The following AGMO variants were observed in gnomAD, a reference collection of about 807,000 sequenced individuals.
The protein encoded by AGMO is glyceryl-ether monooxygenase.
In AGMO, 75 loss-of-function variants were observed where a neutral mutation model predicts 60.2. The ratio of observed to expected loss-of-function variants is 1.25; its 90% CI spans 1.03 to 1.51. The LOEUF is 1.51. Ranked by LOEUF, AGMO falls within the 40% of genes most tolerant of loss-of-function variation. AGMO has a pLI of 0.00. For synonymous variants in AGMO, 261 were observed against 177.1 expected, an observed-to-expected ratio of 1.47 and a Z score of -3.76; for missense variants, 763 against 525.5, an observed-to-expected ratio of 1.45 and a Z score of -4.42.
chr7:15,221,109 T>C (rs2128496897), intron 12 of AGMO, among the ~76,000 whole-genome samples: 1 of 152,290 alleles, frequency 6.6e-6, no homozygotes, highest in Admixed American at 6.5e-5. Flanking sequence ...CTGTTGTTGT[T>C]TTCTCAATCA....
intron 10 of AGMO, among the ~76,000 whole-genome samples, chr7:15,377,364 T>G (rs1053072978): frequency 6.6e-6 from 1 of 151,846 alleles, no homozygotes; most frequent in African/African-American, 2.4e-5. Context: ...CGTCAATATA[T>G]CTACATGAGT....
At chr7:15,260,082 C>G in intron 12 of AGMO, among the ~76,000 whole-genome samples, 1 of 151,216 alleles carries the variant, frequency 6.6e-6, no homozygotes, top group African/African-American at 2.4e-5. Flanking sequence ...TAATACCTCA[C>G]ATCTGAATAT....
At chr7:15,522,608 T>C (rs941154326) in intron 3 of AGMO, among the ~76,000 whole-genome samples, 7 of 152,122 alleles carry the variant, frequency 4.6e-5, no homozygotes, top group Non-Finnish European at 1.0e-4. Context: ...AGATTCCCCA[T>C]TTAATAACTG....
chr7:15,523,798 T>A (rs143895666), intron 3 of AGMO, among the ~76,000 whole-genome samples: 1,783 of 152,090 alleles, frequency 0.012, 38 homozygotes, highest in African/African-American at 0.04. Flanking sequence ...ACACACCTGC[T>A]CATTCTGCAC....
At chr7:15,467,669 G>A (rs980616568) in intron 3 of AGMO, among the ~76,000 whole-genome samples, 5 of 151,944 alleles carry the variant, frequency 3.3e-5, no homozygotes, top group South Asian at 2.1e-4. Context: ...TTTACACAGC[G>A]TATTTGCTCC....
chr7:15,243,230 C>G (rs1782644074), intron 12 of AGMO, among the ~76,000 whole-genome samples: 1 of 151,938 alleles, frequency 6.6e-6, no homozygotes, highest in South Asian at 2.1e-4. Flanking sequence ...AAATTAAATC[C>G]AAGTTCTTTA....
intron 6 of AGMO, among the ~76,000 whole-genome samples, chr7:15,392,608 G>A (rs1784190518): frequency 6.6e-6 from 1 of 152,092 alleles, no homozygotes; most frequent in Non-Finnish European, 1.5e-5. Flanking sequence ...AAACCAGCCT[G>A]ACCAACATGG....
chr7:15,395,744 G>C (rs976824784), intron 5 of AGMO, among the ~76,000 whole-genome samples: 2 of 152,162 alleles, frequency 1.3e-5, no homozygotes, highest in African/African-American at 4.8e-5. Flanking sequence ...TGCTAGTAAT[G>C]TCCATAAATC....
intron 12 of AGMO, among the ~76,000 whole-genome samples, chr7:15,281,726 C>T (rs1241838154): frequency 6.6e-6 from 1 of 152,132 alleles, no homozygotes; most frequent in East Asian, 1.9e-4. Flanking sequence ...CAGTCTCTAC[C>T]CAGGGACACC....
chr7:15,235,330 G>A (rs1782384967), intron 12 of AGMO, among the ~76,000 whole-genome samples: 1 of 151,948 alleles, frequency 6.6e-6, no homozygotes, highest in Non-Finnish European at 1.5e-5. Context: ...CTAGAATTTT[G>A]CAAAATTTTG....
chr7:15,484,658 C>A (rs1211910173), intron 3 of AGMO, among the ~76,000 whole-genome samples: 1 of 151,756 alleles, frequency 6.6e-6, no homozygotes, highest in African/African-American at 2.4e-5. Flanking sequence ...TCACCCAATC[C>A]AAAAAAAGAC....
At chr7:15,192,816 C>A in the AGMO span, among the ~76,000 whole-genome samples, 1 of 152,130 alleles carries the variant, frequency 6.6e-6, no homozygotes, top group African/African-American at 2.4e-5. Flanking sequence ...AGGAGCCAAG[C>A]AAACTAGCCA....
At chr7:15,266,193 GTATAGT>G (rs1350214107) in intron 12 of AGMO, among the ~76,000 whole-genome samples, 1 of 151,938 alleles carries the variant, frequency 6.6e-6, no homozygotes, top group East Asian at 1.9e-4. Flanking sequence ...TGTTTAATAG[GTATAGT>G]TATTGTTTAA....
chr7:15,541,676 A>ATAAACTGT lies in AGMO; in HGVS notation c.409+3088_409+3095dup, dbSNP rs559223832. On this transcript the variant is annotated intron_variant, in intron 3 of 12. Transcript: ENST00000342526. Reference sequence around the variant, plus strand: ...TAGAGATGGAATTCAAATGTTGAGAATAAACTGTTTTCTGCTAACTGTCCC... The same window carrying ATAAACTGT: ...TAGAGATGGAATTCAAATGTTGAGAATAAACTGTTAAACTGTTTTCTGCTAACTGTCCC... Among the ~76,000 whole-genome samples the ATAAACTGT allele has an allele frequency of 6.1e-3, 935 of 152,298 alleles. 14 individuals carry two copies. The highest frequency in any genetic ancestry group is 9.0e-3 in the Non-Finnish European group (611 of 68,018).
chr7:15,180,928 A>C, the AGMO span, among the ~76,000 whole-genome samples: 1 of 152,194 alleles, frequency 6.6e-6, no homozygotes, highest in Non-Finnish European at 1.5e-5. Context: ...AGCAAATGAA[A>C]GGGTGAAAAG....
intron 3 of AGMO, among the ~76,000 whole-genome samples, chr7:15,464,603 G>A (rs542589980): frequency 4.6e-5 from 7 of 152,232 alleles, no homozygotes; most frequent in Non-Finnish European, 7.4e-5. Context: ...TAAGAGGAAC[G>A]TCTTCTAATA....
At chr7:15,251,973 T>C (rs1017190938) in intron 12 of AGMO, among the ~76,000 whole-genome samples, 15 of 152,234 alleles carry the variant, frequency 9.9e-5, no homozygotes, top group Non-Finnish European at 1.9e-4. Context: ...ATTCATAGTT[T>C]GCTCCCATTC....
At chr7:15,333,179 A>G (rs1781549511) in intron 12 of AGMO, among the ~76,000 whole-genome samples, 1 of 152,110 alleles carries the variant, frequency 6.6e-6, no homozygotes, top group Admixed American at 6.6e-5. Flanking sequence ...TGAAATGGAT[A>G]CTCATCCCAG....
chr7:15,465,433 AT>A (rs1562521179), intron 3 of AGMO, among the ~76,000 whole-genome samples: 2 of 150,698 alleles, frequency 1.3e-5, no homozygotes, highest in Admixed American at 6.6e-5. Flanking sequence ...AAAGTTGTGA[AT>A]TTTTTTGAGA....
Sources: gnomAD v4.1 joint callset for allele counts (sites outside exome capture counted in the v4.1 genomes callset) on GRCh38, gnomAD v4.1.1 for gene constraint, MANE v1.5 for transcripts, NCBI Gene and HGNC (gene_info 2026-07-23, HGNC 2026-07-21) for gene names.